Variants in PDE7B observed in about 807,000 individuals in gnomAD.
The protein encoded by PDE7B is phosphodiesterase 7B, also known as 3',5'-cyclic-AMP phosphodiesterase 7B.
In PDE7B, 29 loss-of-function variants were observed where a neutral mutation model predicts 56.2. That is an observed-to-expected ratio of 0.52 (90% CI 0.38 to 0.70). PDE7B has a LOEUF of 0.70. PDE7B is among the 30% of genes least tolerant of loss of function. The pLI, the probability that PDE7B is intolerant of heterozygous loss-of-function variation, is 0.00. For missense variants in PDE7B, 490 were observed against 565.0 expected, an observed-to-expected ratio of 0.87 and a Z score of 1.35; for synonymous variants, 197 against 196.9, an observed-to-expected ratio of 1.00 and a Z score of 0.00.
At chr6:136,101,444 C>T (rs1034888300) in intron 2 of PDE7B, among the ~76,000 whole-genome samples, 4 of 152,144 alleles carry the variant, frequency 2.6e-5, no homozygotes, top group Admixed American at 2.0e-4. Flanking sequence ...ATTTCAGAAC[C>T]TGTTATTGGT....
chr6:136,122,852 T>C (rs140567560), intron 3 of PDE7B, among the ~76,000 whole-genome samples: 142 of 152,278 alleles, frequency 9.3e-4, no homozygotes, highest in Non-Finnish European at 1.8e-3. Flanking sequence ...ACTCTAGAGA[T>C]CATCCTCTGT....
intron 1 of PDE7B, among the ~76,000 whole-genome samples, chr6:135,926,348 A>G (rs968750841): frequency 9.2e-5 from 14 of 152,074 alleles, no homozygotes; most frequent in African/African-American, 2.7e-4. Context: ...TGGCCTCCCA[A>G]AGTGCTGGGA....
intron 2 of PDE7B, among the ~76,000 whole-genome samples, chr6:135,953,808 C>T (rs1435170842): frequency 1.3e-5 from 2 of 152,140 alleles, no homozygotes; most frequent in African/African-American, 4.8e-5. Context: ...TTTGCGTGCA[C>T]TTGACTTAAC....
At chr6:135,910,779 C>G (rs924472771) in intron 1 of PDE7B, among the ~76,000 whole-genome samples, 1 of 152,188 alleles carries the variant, frequency 6.6e-6, no homozygotes, top group Admixed American at 6.5e-5. Context: ...CCTTCACCAC[C>G]CCCTGCCCCC....
At chr6:136,161,596 T>C (rs1034432254) in intron 8 of PDE7B, among the ~76,000 whole-genome samples, 3 of 152,208 alleles carry the variant, frequency 2.0e-5, no homozygotes, top group Admixed American at 6.5e-5. Flanking sequence ...TGCAAATGAG[T>C]AGTGGGAGGG....
At chr6:136,135,735 G>C (rs1416375084) in intron 3 of PDE7B, among the ~76,000 whole-genome samples, 1 of 152,022 alleles carries the variant, frequency 6.6e-6, no homozygotes, top group Non-Finnish European at 1.5e-5. Flanking sequence ...TTAATGTCTA[G>C]AGATGCTAAA....
At chr6:136,131,511 T>A (rs1182881515) in intron 3 of PDE7B, among the ~76,000 whole-genome samples, 1 of 148,268 alleles carries the variant, frequency 6.7e-6, no homozygotes, top group East Asian at 2.0e-4. Context: ...TTTTTTTTTT[T>A]TTTTTTTTGA....
chr6:136,065,580 T>TC (rs1245146613), intron 2 of PDE7B, among the ~76,000 whole-genome samples: 7 of 152,158 alleles, frequency 4.6e-5, no homozygotes, highest in Non-Finnish European at 1.0e-4. Context: ...TAAAATCGGC[T>TC]CACCCCTTCC....
At chr6:135,974,499 C>A (rs1489456955) in intron 2 of PDE7B, among the ~76,000 whole-genome samples, 2 of 152,102 alleles carry the variant, frequency 1.3e-5, no homozygotes, top group African/African-American at 4.8e-5. Context: ...TGAAGTCTTA[C>A]TAGATGTAGC....
chr6:135,957,714 T>C (rs1458624977), intron 2 of PDE7B, among the ~76,000 whole-genome samples: 2 of 152,152 alleles, frequency 1.3e-5, no homozygotes, highest in Non-Finnish European at 2.9e-5. Flanking sequence ...AAATAATTCC[T>C]GATGAAGGTA....
intron 1 of PDE7B, among the ~76,000 whole-genome samples, chr6:135,859,498 G>T (rs1045350604): frequency 2.6e-5 from 4 of 152,032 alleles, no homozygotes. Context: ...ACAGGAATTT[G>T]TGTGATAGCA....
intron 2 of PDE7B, among the ~76,000 whole-genome samples, chr6:136,083,760 C>T (rs1386980201): frequency 1.3e-5 from 2 of 152,122 alleles, no homozygotes; most frequent in African/African-American, 4.8e-5. Flanking sequence ...ATTGGCTCTC[C>T]TTCACTAACC....
At chr6:136,065,897 T>A (rs1332364110) in intron 2 of PDE7B, among the ~76,000 whole-genome samples, 1 of 152,226 alleles carries the variant, frequency 6.6e-6, no homozygotes, top group South Asian at 2.1e-4. Flanking sequence ...TTATCAGTTC[T>A]TAGTAACAAT....
chr6:136,137,682 C>T (rs1273884036), intron 3 of PDE7B, among the ~76,000 whole-genome samples: 2 of 152,008 alleles, frequency 1.3e-5, no homozygotes, highest in Admixed American at 6.6e-5. Flanking sequence ...TAAGGTTTCT[C>T]CTGGTACCAA....
intron 2 of PDE7B, among the ~76,000 whole-genome samples, chr6:136,001,576 G>A (rs1413859890): frequency 4.6e-5 from 7 of 152,322 alleles, no homozygotes; most frequent in South Asian, 2.1e-4. Flanking sequence ...GAGCCGATGC[G>A]ATCAATTGGA....
intron 2 of PDE7B, among the ~76,000 whole-genome samples, chr6:136,086,425 G>C (rs1157028928): frequency 1.3e-5 from 2 of 152,052 alleles, no homozygotes; most frequent in African/African-American, 4.8e-5. Context: ...GGCTCCCCCT[G>C]TACAGAGACA....
chr6:136,140,685 A>G (rs1457114220), intron 3 of PDE7B, among the ~76,000 whole-genome samples: 1 of 152,148 alleles, frequency 6.6e-6, no homozygotes, highest in African/African-American at 2.4e-5. Flanking sequence ...GGTCCTTCAC[A>G]TCCCTTGTAA....
intron 1 of PDE7B, among the ~76,000 whole-genome samples, chr6:135,930,233 C>T (rs11966552): frequency 0.018 from 2,686 of 152,186 alleles, 86 homozygotes; most frequent in African/African-American, 0.062. Flanking sequence ...ATAAAGCCAT[C>T]AGATCTCATG....
At chr6:136,109,341 TA>T (rs940168394) in intron 3 of PDE7B, among the ~76,000 whole-genome samples, 5 of 152,160 alleles carry the variant, frequency 3.3e-5, no homozygotes, top group African/African-American at 9.7e-5. Flanking sequence ...ATTTTTTGTA[TA>T]AAAAGTGTAA....
Sources: allele counts gnomAD v4.1 joint callset (sites outside exome capture counted in the v4.1 genomes callset), GRCh38; gene constraint gnomAD v4.1.1; transcripts MANE v1.5; gene names NCBI Gene and HGNC (gene_info 2026-07-23, HGNC 2026-07-21).